The following UBE2D2 variants were observed in gnomAD, a reference collection of about 807,000 sequenced individuals.
The protein encoded by UBE2D2 is ubiquitin conjugating enzyme E2 D2.
In UBE2D2, 2 loss-of-function variants were observed where a neutral mutation model predicts 24.2. The observed-to-expected ratio is 0.08, with a 90% confidence interval of 0.03 to 0.26. The LOEUF (loss-of-function observed/expected upper bound fraction) is 0.26. Ranked by LOEUF, UBE2D2 falls within the 10% of genes least tolerant of loss-of-function variation. UBE2D2 has a pLI of 1.00. For missense variants in UBE2D2, 44 were observed against 177.6 expected, an observed-to-expected ratio of 0.25 and a Z score of 4.28; for synonymous variants, 58 against 56.5, an observed-to-expected ratio of 1.03 and a Z score of -0.12.
intron 1 of UBE2D2, among the ~76,000 whole-genome samples, chr5:139,549,667 GGGCGCCACCCCCTGCTCCGC>G (rs1314316785): frequency 1.3e-5 from 2 of 152,224 alleles, no homozygotes; most frequent in African/African-American, 4.8e-5. Context: ...CTCCCCGACG[GGGCGCCACCCCCTGCTCCGC>G]GGCGCCCCAT....
intron 5 of UBE2D2, among the ~76,000 whole-genome samples, chr5:139,615,209 G>C (rs566423316): frequency 6.6e-6 from 1 of 152,308 alleles, no homozygotes; most frequent in South Asian, 2.1e-4. Context: ...ACTGGGCCTG[G>C]TGCCGTGGCT....
chr5:139,604,727 A>C (rs1366430690), intron 2 of UBE2D2, among the ~76,000 whole-genome samples: 3 of 152,060 alleles, frequency 2.0e-5, no homozygotes, highest in Non-Finnish European at 4.4e-5. Flanking sequence ...TTTAAAACTA[A>C]AAATTAGCTG....
intron 1 of UBE2D2, among the ~76,000 whole-genome samples, chr5:139,543,138 G>A (rs1001704270): frequency 3.3e-5 from 5 of 151,992 alleles, no homozygotes; most frequent in African/African-American, 4.8e-5. Flanking sequence ...CTCGTGATTC[G>A]TCTGCCTCAG....
chr5:139,541,955 G>C (rs1752767500), intron 1 of UBE2D2, among the ~76,000 whole-genome samples: 1 of 152,088 alleles, frequency 6.6e-6, no homozygotes, highest in African/African-American at 2.4e-5. Context: ...GGGAGGCTGA[G>C]GTGGGCAGAT....
intron 5 of UBE2D2, among the ~76,000 whole-genome samples, chr5:139,618,203 A>G (rs1168739023): frequency 6.6e-6 from 1 of 151,806 alleles, no homozygotes; most frequent in African/African-American, 2.4e-5. Flanking sequence ...CGAACTCCCA[A>G]CCTCAGGTGA....
chr5:139,582,040 C>T (rs776933213), intron 1 of UBE2D2, among the ~76,000 whole-genome samples: 4 of 151,268 alleles, frequency 2.6e-5, no homozygotes, highest in Non-Finnish European at 2.9e-5. Flanking sequence ...GGCTGGAGTG[C>T]GATGCAATAG....
At chr5:139,593,631 T>C (rs984374626) in intron 1 of UBE2D2, among the ~76,000 whole-genome samples, 1 of 152,256 alleles carries the variant, frequency 6.6e-6, no homozygotes, top group Admixed American at 6.5e-5. Flanking sequence ...ATGTACTTTT[T>C]TTTAGAGATG....
chr5:139,590,027 G>A (rs189588603), intron 1 of UBE2D2, among the ~76,000 whole-genome samples: 30 of 152,136 alleles, frequency 2.0e-4, no homozygotes, highest in Middle Eastern at 3.4e-3. Flanking sequence ...CTTGTGGTCC[G>A]TCCTCCTTGG....
intron 2 of UBE2D2, among the ~76,000 whole-genome samples, chr5:139,607,221 G>A (rs368449244): frequency 9.2e-5 from 14 of 152,322 alleles, no homozygotes; most frequent in Middle Eastern, 6.8e-3. Context: ...CTTCCAGAGA[G>A]TAACCTAAAT....
chr5:139,547,938 G>C (rs2126636431), intron 1 of UBE2D2, among the ~76,000 whole-genome samples: 1 of 151,676 alleles, frequency 6.6e-6, no homozygotes, highest in East Asian at 2.0e-4. Flanking sequence ...CAGGTGATCT[G>C]CCAGCCTCAG....
intron 1 of UBE2D2, chr5:139,562,212 AT>A: frequency 7.2e-7 from 1 of 1,380,938 alleles, no homozygotes; most frequent in Non-Finnish European, 9.6e-7. Context: ...TTCTCGCCCC[AT>A]TTCTGTTCCC....
chr5:139,573,933 T>C (rs1264002814), intron 1 of UBE2D2, among the ~76,000 whole-genome samples: 2 of 152,006 alleles, frequency 1.3e-5, no homozygotes, highest in Admixed American at 1.3e-4. Context: ...ATCACGCCAC[T>C]GCGCTCCAGC....
intron 1 of UBE2D2, among the ~76,000 whole-genome samples, chr5:139,573,560 C>T (rs1281138591): frequency 6.6e-6 from 1 of 152,146 alleles, no homozygotes; most frequent in East Asian, 1.9e-4. Context: ...TTAATTATCC[C>T]ATCATGGATA....
At chr5:139,546,778 G>A (rs1017968313) in intron 1 of UBE2D2, among the ~76,000 whole-genome samples, 1 of 151,872 alleles carries the variant, frequency 6.6e-6, no homozygotes, top group African/African-American at 2.4e-5. Flanking sequence ...GAGCCACCGT[G>A]CCTGGCCTTA....
At position 139,561,745 on chromosome 5, in the gene UBE2D2, C is replaced by T. The variant is rs771197656; in HGVS notation, c.-47C>T. 2.3e-4 allele frequency: 322 copies of T among 1,410,816 alleles called. 2 individuals are homozygous for T. Among genetic ancestry groups the T allele is most frequent in the Non-Finnish European group, 2.9e-4 (307 of 1,060,310 alleles). 87.4% of individuals were successfully genotyped at this position (1,410,816 alleles called of 1,614,324 possible). ...TCCCTAGCCCCTTCCCCGTCCCTTC[C>T]CCGCCCCCGTCCCCGCCCCGGGGGC... is the stretch of plus-strand genomic sequence containing the variant. On this transcript the variant is annotated 5_prime_UTR_variant, in exon 1 of 7. Coordinates refer to ENST00000398733, the MANE Select transcript of UBE2D2 (RefSeq NM_003339.3).
chr5:139,580,079 G>A (rs1191072004), intron 1 of UBE2D2, among the ~76,000 whole-genome samples: 1 of 151,622 alleles, frequency 6.6e-6, no homozygotes, highest in Non-Finnish European at 1.5e-5. Context: ...CCATAGATAA[G>A]GCTCATGTCT....
At chr5:139,560,168 G>A (rs945017906), upstream of UBE2D2, among the ~76,000 whole-genome samples, 11 of 150,732 alleles carry the variant, frequency 7.3e-5, no homozygotes, top group Admixed American at 2.0e-4. Flanking sequence ...CCAGTAGCTG[G>A]GTTTACAGGA....
intron 2 of UBE2D2, among the ~76,000 whole-genome samples, chr5:139,603,184 A>G (rs1436117676): frequency 6.6e-6 from 1 of 152,178 alleles, no homozygotes; most frequent in African/African-American, 2.4e-5. Context: ...CAAGTTAAGA[A>G]TGGCTGAAAA....
intron 1 of UBE2D2, among the ~76,000 whole-genome samples, chr5:139,589,870 C>T (rs562923271): frequency 4.1e-4 from 63 of 152,058 alleles, no homozygotes; most frequent in African/African-American, 1.4e-3. Flanking sequence ...CTGCAAACTC[C>T]GCCTCCTGGG....
Sources: allele counts gnomAD v4.1 joint callset (sites outside exome capture counted in the v4.1 genomes callset), GRCh38; gene constraint gnomAD v4.1.1; transcripts MANE v1.5; gene names NCBI Gene and HGNC (gene_info 2026-07-23, HGNC 2026-07-21).